TGM2: variants seen among roughly 807,000 people sequenced by gnomAD.
TGM2 encodes protein-glutamine gamma-glutamyltransferase 2.
Under a neutral mutation model 75.6 loss-of-function variants are expected in TGM2, and 53 were observed. The observed-to-expected ratio is 0.70, with a 90% CI of 0.56 to 0.88. The LOEUF (loss-of-function observed/expected upper bound fraction) is 0.88, where lower values mean the gene tolerates loss of function less well. Ranked by LOEUF, TGM2 falls within the 40% of genes least tolerant of loss-of-function variation. The probability of loss-of-function intolerance (pLI) is 0.00; values close to 1 mark genes in which losing one functional copy is unlikely to be tolerated. For missense variants in TGM2, 842 were observed against 928.5 expected, an observed-to-expected ratio of 0.91 and a Z score of 1.21; for synonymous variants, 374 against 381.1, an observed-to-expected ratio of 0.98 and a Z score of 0.22.
At position 38,130,085 on chromosome 20, in the gene TGM2, T is replaced by G; in HGVS notation, c.*134A>C. ...GAGATGGGCCAGGGGCACATTCCAT[T>G]TCCGAGAGCCCCCATAGGCTGCCCA... On this transcript the variant is annotated 3_prime_UTR_variant, in exon 13 of 13. Transcript: ENST00000361475. The G allele has an allele frequency of 8.1e-7, 1 of 1,231,928 alleles. No homozygotes were observed. The highest frequency in any genetic ancestry group is 1.1e-6 in the Non-Finnish European group (1 of 883,318). The allele number at this position is 1,231,928 out of a possible 1,614,324, so 76.3% of individuals were successfully genotyped here. A position where few individuals can be genotyped will look rare whatever the true frequency, so the allele number is the denominator to read the frequency against.
In TGM2 at chr20:38,149,678, C is replaced by CAAAA. The variant is rs1199376180; in HGVS notation, c.552+1257_552+1260dup. On this transcript the variant is annotated intron_variant, in intron 4 of 12. Coordinates refer to ENST00000361475, the MANE Select transcript of TGM2 (RefSeq NM_004613.4). ...TGGGCAACAGAGCGAGACTCCGCCT[C>CAAAA]AAAAAAAAAAAAAAAAAAAAAAACA... Among the ~76,000 whole-genome samples, 93 of 40,410 alleles carry CAAAA rather than the reference C, an allele frequency of 2.3e-3. 4 individuals are homozygous for CAAAA. Among genetic ancestry groups the CAAAA allele is most frequent in the African/African-American group, 7.5e-3 (80 of 10,732 alleles). The allele number at this position is 40,410 out of a possible 152,430, so 26.5% of individuals were successfully genotyped here.
chr20:38,134,044 T>A (rs1224922015), intron 10 of TGM2, among the ~76,000 whole-genome samples: 1 of 152,154 alleles, frequency 6.6e-6, no homozygotes, highest in East Asian at 1.9e-4. Context: ...AGAGGGAGAT[T>A]GGCAAGGCTT....
chr20:38,165,241 C>T lies in TGM2; in HGVS notation c.-43G>A. ...GGCTCCTTCCACTGGCGGCGAGACC[C>T]TCCAAGTGCGACCACTGGCGGCTGG... On this transcript the variant is annotated 5_prime_UTR_variant, in exon 1 of 13. Transcript: ENST00000361475. 6.2e-7 allele frequency: 1 copy of T among 1,611,836 alleles called. No individual in the cohort carries two copies. The highest frequency in any genetic ancestry group is 8.5e-7 in the Non-Finnish European group (1 of 1,179,800).
chr20:38,138,488 CAGCCATG>C, intron 9 of TGM2, 103 bp from the exon 10 acceptor site: 1 of 1,598,526 alleles, frequency 6.3e-7, no homozygotes. Context: ...TGACTCAGGG[CAGCCATG>C]AAGGAGCCCC....
At chr20:38,153,045 G>A (rs1050141790) in intron 3 of TGM2, among the ~76,000 whole-genome samples, 3 of 131,516 alleles carry the variant, frequency 2.3e-5, no homozygotes, top group Non-Finnish European at 4.9e-5. Context: ...GGGCGGGGGG[G>A]GGGATCCAGT....
Position 38,146,813 on chromosome 20 carries a change from T to C in TGM2, c.763A>G (p.Ile255Val). ...CGCCGCAGGATGTCCACGCTGCCGA[T>C]CCAGGACATGGGGCTGACGCCGTCC... Reference protein sequence around the residue: ...YGDGVSPMSWIGSVDILRRWK... With the variant: ...YGDGVSPMSWVGSVDILRRWK... The change falls in exon 6 of 13, where the codon ATC becomes GTC. Residue 255 changes from isoleucine to valine, a missense_variant. Physicochemically the swap from Ile to Val is conservative, Grantham distance 29. Coordinates refer to ENST00000361475, the MANE Select transcript of TGM2 (RefSeq NM_004613.4). The C allele has an allele frequency of 6.2e-7, 1 of 1,614,028 alleles. No homozygotes were observed. Among genetic ancestry groups the C allele is most frequent in the Non-Finnish European group, 8.5e-7 (1 of 1,179,970 alleles).
At chr20:38,147,876 C>T in intron 5 of TGM2, 85 bp downstream of exon 5, 11 of 1,551,226 alleles carry the variant, frequency 7.1e-6, no homozygotes, top group Non-Finnish European at 9.6e-6. Context: ...CCCACCGCGC[C>T]TAGCCTGTGT....
intron 2 of TGM2, among the ~76,000 whole-genome samples, chr20:38,160,269 G>A (rs1034153088): frequency 6.6e-6 from 1 of 152,206 alleles, no homozygotes; most frequent in Non-Finnish European, 1.5e-5. Context: ...TAGCCAGGTG[G>A]CCCCTCACTG....
intron 6 of TGM2, among the ~76,000 whole-genome samples, chr20:38,145,079 A>G (rs1324821473): frequency 1.2e-4 from 18 of 152,176 alleles, no homozygotes; most frequent in Admixed American, 1.1e-3. Context: ...GTCTGGCATG[A>G]AGGAGTTTCC....
At chr20:38,156,574 A>T (rs539670635) in intron 2 of TGM2, among the ~76,000 whole-genome samples, 48 of 152,364 alleles carry the variant, frequency 3.2e-4, no homozygotes, top group African/African-American at 1.1e-3. Flanking sequence ...GACGCTGAGC[A>T]GGAAGGGACC....
chr20:38,156,745 C>T (rs2075193109), intron 2 of TGM2, among the ~76,000 whole-genome samples: 1 of 152,194 alleles, frequency 6.6e-6, no homozygotes, highest in South Asian at 2.1e-4. Context: ...CTTCCTACAG[C>T]CTTTTACACT....
intron 2 of TGM2, 61 bp from the exon 3 acceptor site, chr20:38,156,150 C>T: frequency 6.3e-7 from 1 of 1,574,836 alleles, no homozygotes; most frequent in East Asian, 2.3e-5. Context: ...GGCAGGGCAC[C>T]TACGTGGGGT....
chr20:38,134,280 C>T (rs978288445), intron 10 of TGM2, among the ~76,000 whole-genome samples: 4 of 152,226 alleles, frequency 2.6e-5, no homozygotes, highest in Admixed American at 6.5e-5. Flanking sequence ...GGTGGATCTG[C>T]TCCAACCTCT....
intron 11 of TGM2, among the ~76,000 whole-genome samples, chr20:38,131,757 C>T (rs2074837220): frequency 6.6e-6 from 1 of 152,088 alleles, no homozygotes; most frequent in African/African-American, 2.4e-5. Context: ...GCTGCGGCTC[C>T]TCTAAGTGAA....
At chr20:38,164,615 G>A (rs1372106535) in intron 1 of TGM2, among the ~76,000 whole-genome samples, 1 of 152,170 alleles carries the variant, frequency 6.6e-6, no homozygotes, top group Non-Finnish European at 1.5e-5. Context: ...TAAGGACACT[G>A]TTGTCCTTAT....
chr20:38,138,253 A>G lies in TGM2; in HGVS notation c.1475T>C (p.Phe492Ser), dbSNP rs944693186. ...SMNMGSDFDVFAHITNNTAEE... is the reference protein window; with the variant it reads ...SMNMGSDFDVSAHITNNTAEE... ...AGCGGTGTTGTTGGTGATGTGGGCA[A>G]AGACGTCAAAGTCACTGCCCATGTT... Residue 492 changes from phenylalanine (F) to serine (S), a missense_variant, in exon 10 of 13, where the codon TTT becomes TCT. Physicochemically the swap from Phe to Ser is radical, Grantham distance 155 (BLOSUM62 -2). Transcript: ENST00000361475. 4.3e-6 allele frequency: 7 copies of G among 1,613,786 alleles called. No homozygotes were observed. The highest frequency in any genetic ancestry group is 1.7e-5 in the Admixed American group (1 of 59,966).
intron 3 of TGM2, among the ~76,000 whole-genome samples, chr20:38,154,453 G>A (rs1430636653): frequency 6.6e-6 from 1 of 152,144 alleles, no homozygotes; most frequent in Non-Finnish European, 1.5e-5. Context: ...CTAGTTAGAT[G>A]GGAAAATCGA....
chr20:38,160,139 C>A (rs889329014), intron 2 of TGM2, among the ~76,000 whole-genome samples: 3 of 152,192 alleles, frequency 2.0e-5, no homozygotes, highest in African/African-American at 7.2e-5. Flanking sequence ...AGGCTGCAGT[C>A]CCCATGATAA....
At chr20:38,152,507 G>A (rs759709398) in intron 3 of TGM2, among the ~76,000 whole-genome samples, 6 of 152,222 alleles carry the variant, frequency 3.9e-5, no homozygotes, top group Non-Finnish European at 8.8e-5. Context: ...ATTAGAATGA[G>A]TGTCAGCACT....
Sources: gnomAD v4.1 joint callset for allele counts (sites outside exome capture counted in the v4.1 genomes callset) on GRCh38, gnomAD v4.1.1 for gene constraint, MANE v1.5 for transcripts, NCBI Gene and HGNC (gene_info 2026-07-23, HGNC 2026-07-21) for gene names.